Variants in MSN observed in about 807,000 individuals in gnomAD.
MSN encodes the protein moesin.
A neutral mutation model predicts 48.0 loss-of-function variants in MSN; 2 were observed. The ratio of observed to expected loss-of-function variants is 0.04; its 90% confidence interval spans 0.02 to 0.13. MSN has a LOEUF of 0.13. Among genes scored for constraint, MSN ranks in the 10% least tolerant of loss-of-function variants. The probability of loss-of-function intolerance (pLI) is 1.00; values close to 1 mark genes in which losing one functional copy is unlikely to be tolerated. For missense variants in MSN, 267 were observed against 470.1 expected (o/e 0.57, Z 3.99); for synonymous variants, 146 against 166.9 (o/e 0.87, Z 0.97).
At chrX:65,599,281 G>C (rs1040084004) in intron 1 of MSN, among the ~76,000 whole-genome samples, 1 of 109,283 alleles carries the variant, frequency 9.2e-6, no homozygotes, top group African/African-American at 3.3e-5. Flanking sequence ...GGAAACAAGA[G>C]CAAAACTCCG....
At chrX:65,687,052 A>C (rs1187237756) in intron 1 of MSN, among the ~76,000 whole-genome samples, 1 of 111,744 alleles carries the variant, frequency 8.9e-6, no homozygotes, top group Non-Finnish European at 1.9e-5. Flanking sequence ...ATCCATAATA[A>C]AACTCTCTTC....
chrX:65,612,388 C>T (rs912638828), intron 1 of MSN, among the ~76,000 whole-genome samples: 7 of 111,011 alleles, frequency 6.3e-5, no homozygotes, highest in Non-Finnish European at 1.9e-5. Context: ...ATTACCTACT[C>T]TCGGGTATTC....
At chrX:65,630,178 C>CA (rs779661452) in intron 1 of MSN, among the ~76,000 whole-genome samples, 246 of 94,019 alleles carry the variant, frequency 2.6e-3, no homozygotes, top group African/African-American at 5.2e-3. Flanking sequence ...GCCTTTGACT[C>CA]AAAAAAAAAA....
At chrX:65,602,977 C>A (rs932213443) in intron 1 of MSN, among the ~76,000 whole-genome samples, 2 of 111,493 alleles carry the variant, frequency 1.8e-5, no homozygotes, top group African/African-American at 6.5e-5. Context: ...GGAGGGGAAA[C>A]AACGTGCTCA....
intron 1 of MSN, among the ~76,000 whole-genome samples, chrX:65,620,252 G>C (rs751399711): frequency 1.8e-5 from 2 of 112,505 alleles, no homozygotes; most frequent in African/African-American, 6.5e-5. Flanking sequence ...GGAGCTTCCC[G>C]GCTGCTTTGT....
chrX:65,709,843 C>G (rs376223189), intron 1 of MSN, among the ~76,000 whole-genome samples: 25 of 111,801 alleles, frequency 2.2e-4, no homozygotes, highest in African/African-American at 7.5e-4. Context: ...TCCCACCCCC[C>G]CTTAGTTTCC....
chrX:65,608,660 T>C (rs2070296572), intron 1 of MSN, among the ~76,000 whole-genome samples: 1 of 110,922 alleles, frequency 9.0e-6, no homozygotes, highest in South Asian at 3.8e-4. Context: ...ATGGGGAACA[T>C]TGAGGTGAGG....
At chrX:65,685,866 G>A (rs1023987269) in intron 1 of MSN, among the ~76,000 whole-genome samples, 2 of 112,680 alleles carry the variant, frequency 1.8e-5, no homozygotes, top group African/African-American at 6.5e-5. Context: ...GATTGCAGGC[G>A]TGAGCCACCA....
intron 2 of MSN, among the ~76,000 whole-genome samples, chrX:65,720,518 C>G (rs2071506535): frequency 8.9e-6 from 1 of 112,099 alleles, no homozygotes; most frequent in Non-Finnish European, 1.9e-5. Flanking sequence ...CAGGTCAGGT[C>G]AGGAATCAGT....
chrX:65,634,432 G>A (rs909647639), intron 1 of MSN, among the ~76,000 whole-genome samples: 38 of 111,549 alleles, frequency 3.4e-4, no homozygotes, highest in African/African-American at 1.2e-3. Flanking sequence ...GGCCAACATG[G>A]TGAAACCCTG....
chrX:65,590,903 G>T (rs1012782715), intron 1 of MSN, among the ~76,000 whole-genome samples: 1 of 111,288 alleles, frequency 9.0e-6, no homozygotes, highest in Non-Finnish European at 1.9e-5. Flanking sequence ...GTCCCCTTTG[G>T]TTTGGAACTG....
At chrX:65,598,765 T>G (rs988528068) in intron 1 of MSN, among the ~76,000 whole-genome samples, 2 of 111,536 alleles carry the variant, frequency 1.8e-5, no homozygotes, top group Admixed American at 9.5e-5. Context: ...ACAGGAAGAG[T>G]GCCAGCACAT....
chrX:65,607,798 G>T (rs991953798), intron 1 of MSN, among the ~76,000 whole-genome samples: 1 of 110,505 alleles, frequency 9.0e-6, no homozygotes, highest in African/African-American at 3.3e-5. Flanking sequence ...CATGGTTCTG[G>T]GGCTCAACCT....
At chrX:65,704,677 T>C (rs1335243591) in intron 1 of MSN, among the ~76,000 whole-genome samples, 1 of 110,568 alleles carries the variant, frequency 9.0e-6, no homozygotes, top group Non-Finnish European at 1.9e-5. Context: ...GTTTTTTTTT[T>C]AGATCAATAA....
chrX:65,626,243 C>T (rs774441936), intron 1 of MSN, among the ~76,000 whole-genome samples: 229 of 112,204 alleles, frequency 2.0e-3, no homozygotes, highest in South Asian at 0.017. Flanking sequence ...CGTGAGCCAC[C>T]GTGCCTGGCC....
chrX:65,629,866 A>G (rs921836018), intron 1 of MSN, among the ~76,000 whole-genome samples: 25 of 111,624 alleles, frequency 2.2e-4, no homozygotes, highest in Non-Finnish European at 3.8e-4. Context: ...CCATATCACC[A>G]TGGAATTCAG....
intron 1 of MSN, among the ~76,000 whole-genome samples, chrX:65,653,382 T>C (rs181815038): frequency 9.0e-6 from 1 of 110,958 alleles, no homozygotes; most frequent in Admixed American, 9.6e-5. Context: ...GCCTTTGGTG[T>C]AGTGTGAAGT....
At chrX:65,620,480 G>A (rs1007206925) in intron 1 of MSN, among the ~76,000 whole-genome samples, 4 of 113,764 alleles carry the variant, frequency 3.5e-5, no homozygotes, top group African/African-American at 6.3e-5. Context: ...TCCAGGTGCC[G>A]TCCGTCACCC....
At chrX:65,702,510 A>G (rs1343907364) in intron 1 of MSN, among the ~76,000 whole-genome samples, 2 of 108,809 alleles carry the variant, frequency 1.8e-5, no homozygotes, top group East Asian at 6.0e-4. Flanking sequence ...TACTAAAAAT[A>G]CAAAAATTAG....
Sources: allele counts gnomAD v4.1 joint callset (sites outside exome capture counted in the v4.1 genomes callset), GRCh38; gene constraint gnomAD v4.1.1; transcripts MANE v1.5; gene names NCBI Gene and HGNC (gene_info 2026-07-23, HGNC 2026-07-21).